Variants in ARID1B observed in about 807,000 individuals in gnomAD.
ARID1B encodes the protein AT-rich interactive domain-containing protein 1B.
A neutral mutation model predicts 212.3 loss-of-function variants in ARID1B; 30 were observed. The observed-to-expected ratio is 0.14, with a 90% CI of 0.11 to 0.19. ARID1B has a LOEUF of 0.19. Among genes scored for constraint, ARID1B ranks in the 10% least tolerant of loss-of-function variants. The pLI, the probability that ARID1B is intolerant of heterozygous loss-of-function variation, is 1.00. For missense variants in ARID1B, 2,891 were observed against 3,204.0 expected (o/e 0.90, Z 2.36); for synonymous variants, 1,402 against 1,301.7 (o/e 1.08, Z -1.66).
chr6:157,038,805 T>C (rs1781501055), intron 4 of ARID1B, among the ~76,000 whole-genome samples: 1 of 152,176 alleles, frequency 6.6e-6, no homozygotes, highest in Non-Finnish European at 1.5e-5. Context: ...GCAGCAACGT[T>C]ATAGAAGATT....
chr6:156,810,317 A>T (rs1224541439), intron 1 of ARID1B, among the ~76,000 whole-genome samples: 1 of 152,166 alleles, frequency 6.6e-6, no homozygotes, highest in Admixed American at 6.5e-5. Flanking sequence ...TTCTGGTTAT[A>T]AAAGTGTAAA....
chr6:156,938,136 G>A (rs988659284), intron 4 of ARID1B: 3 of 150,190 alleles, frequency 2.0e-5, no homozygotes, highest in African/African-American at 7.4e-5. Flanking sequence ...TTTTTTCCAC[G>A]AGGGCTTTGC....
chr6:157,110,054 T>C (rs1197371034), intron 5 of ARID1B, among the ~76,000 whole-genome samples: 1 of 152,218 alleles, frequency 6.6e-6, no homozygotes, highest in Admixed American at 6.5e-5. Context: ...TCTATTGATA[T>C]TACTGTACTG....
chr6:157,108,100 A>T (rs945155750), intron 5 of ARID1B: 2 of 152,214 alleles, frequency 1.3e-5, no homozygotes, highest in African/African-American at 4.8e-5. Flanking sequence ...ACTATGGTAG[A>T]AAGATAGGGA....
chr6:157,196,050 CTCCATCTCAAAAAAAAGAAAAAG>C, intron 15 of ARID1B, 92 bp from the exon 16 acceptor site: 1 of 1,320,144 alleles, frequency 7.6e-7, no homozygotes, highest in South Asian at 1.3e-5. Context: ...CAGAGTGAGA[CTCCATCTCAAAAAAAAGAAAAAG>C]TCCAAAGACA....
chr6:156,799,053 C>T (rs146689642), intron 1 of ARID1B, among the ~76,000 whole-genome samples: 4 of 152,156 alleles, frequency 2.6e-5, no homozygotes, highest in Admixed American at 6.5e-5. Flanking sequence ...AATTTCAACT[C>T]GTGTACATGT....
At chr6:156,940,202 A>G (rs1394843942) in intron 4 of ARID1B, 1 of 152,214 alleles carries the variant, frequency 6.6e-6, no homozygotes, top group Non-Finnish European at 1.5e-5. Context: ...GCGTTTGAAA[A>G]TGGACTGCTT....
At position 157,140,616 on chromosome 6, in the gene ARID1B, A is replaced by G. The variant is rs368761611; in HGVS notation, c.2761+7409A>G. ...TTTTATTGTACCCTTTTTATAGAGG[A>G]AGAAACTGAGCTTTGGAGTAACACG... On this transcript the variant is annotated intron_variant, in intron 7 of 19. Transcript: ENST00000636930. 90 of 398,606 alleles carry G rather than the reference A, an allele frequency of 2.3e-4. 4 individuals carry two copies. The highest frequency in any genetic ancestry group is 1.7e-3 in the African/African-American group (81 of 48,738). 24.7% of individuals were successfully genotyped at this position (398,606 alleles called of 1,614,324 possible). A position where few individuals can be genotyped will look rare whatever the true frequency, so the allele number is the denominator to read the frequency against.
chr6:156,886,231 C>T (rs781295413), intron 2 of ARID1B, among the ~76,000 whole-genome samples: 7 of 152,222 alleles, frequency 4.6e-5, no homozygotes, highest in African/African-American at 1.4e-4. Context: ...TTGTTCTTGT[C>T]GCCCAGGCTG....
intron 4 of ARID1B, among the ~76,000 whole-genome samples, chr6:156,989,666 C>T (rs190252669): frequency 2.0e-5 from 3 of 152,212 alleles, no homozygotes; most frequent in Admixed American, 1.3e-4. Flanking sequence ...TAATCTACCC[C>T]ACAGGCTAGT....
rs1779118895 is a variant in ARID1B, at chr6:157,004,890, C to CTTTTTTGTTTTTTT, written c.2247+69320_2247+69321insGTTTTTTTTTTTTT. On this transcript the variant is annotated intron_variant, in intron 4 of 19. Transcript: ENST00000636930. ...GCATTTCTTTTTTCTTTTTCTTCTT[C>CTTTTTTGTTTTTTT]TTTTTTCTTTTTTTTTTTTTTTTTT... Among the ~76,000 whole-genome samples, 12 of 35,686 alleles carry CTTTTTTGTTTTTTT rather than the reference C, an allele frequency of 3.4e-4. 2 individuals are homozygous for CTTTTTTGTTTTTTT. Among genetic ancestry groups the CTTTTTTGTTTTTTT allele is most frequent in the Non-Finnish European group, 7.2e-4 (10 of 13,822 alleles). 23.4% of individuals were successfully genotyped at this position (35,686 alleles called of 152,430 possible). A position where few individuals can be genotyped will look rare whatever the true frequency, so the allele number is the denominator to read the frequency against.
chr6:157,004,897 C>CTTTTTTGTTG (rs1562542228), intron 4 of ARID1B, among the ~76,000 whole-genome samples: 1 of 54,740 alleles, frequency 1.8e-5, no homozygotes, highest in Non-Finnish European at 3.7e-5. Flanking sequence ...CTTCTTTTTT[C>CTTTTTTGTTG]TTTTTTTTTT....
At position 156,777,852 on chromosome 6, in the gene ARID1B, C is replaced by T. The variant is rs1778735019; in HGVS notation, c.172C>T (p.Leu58=). The change falls in exon 1 of 20, where the codon CTG becomes TTG. Residue 58 remains leucine, a synonymous_variant. Coordinates refer to ENST00000636930, the MANE Select transcript of ARID1B (RefSeq NM_001374828.1). ...GGCGGCGGCGGCACCGGGACCCATG[C>T]TGGGGGGCGGCGGCGACGGCGGCGG... ...AAAAAAPGPM[L]GGGGDGGGGL... is the part of the protein sequence containing the mutation. 14 of 1,326,982 alleles carry T rather than the reference C, an allele frequency of 1.1e-5. No homozygotes were observed. The highest frequency in any genetic ancestry group is 1.3e-5 in the Non-Finnish European group (14 of 1,043,634). 82.2% of individuals were successfully genotyped at this position (1,326,982 alleles called of 1,614,324 possible).
rs539872575 is a variant in ARID1B at position 156,817,673 on chromosome 6, A to G, written c.1792-11554A>G. The stretch of plus-strand genomic sequence containing the variant: ...ACACACAAAACTTTTATTTTGAAAT[A>G]ATTTTAAATTTACAGCAAAGTTGCA... On this transcript the variant is annotated intron_variant, in intron 1 of 19. Coordinates refer to ENST00000636930, the MANE Select transcript of ARID1B (RefSeq NM_001374828.1). Among the ~76,000 whole-genome samples the G allele has an allele frequency of 7.2e-5, 11 of 152,052 alleles. No homozygotes were observed. The South Asian group carries it at 1.9e-3, about 26-fold the overall frequency.
intron 3 of ARID1B, among the ~76,000 whole-genome samples, chr6:156,922,685 C>T (rs1339444823): frequency 6.6e-6 from 1 of 152,046 alleles, no homozygotes; most frequent in African/African-American, 2.4e-5. Flanking sequence ...TTGGTAAATC[C>T]CATTGTTGAT....
At chr6:157,132,827 T>C (rs1295902367) in intron 6 of ARID1B, among the ~76,000 whole-genome samples, 1 of 152,204 alleles carries the variant, frequency 6.6e-6, no homozygotes, top group Non-Finnish European at 1.5e-5. Context: ...TCTTGGGAAT[T>C]CAGGGTTAGG....
intron 13 of ARID1B, chr6:157,186,641 T>C: frequency 2.5e-6 from 1 of 406,104 alleles, no homozygotes; most frequent in South Asian, 1.8e-5. Context: ...TAGAGTCTCA[T>C]TTATTACAAG....
chr6:156,846,995 C>G (rs927461591), intron 2 of ARID1B, among the ~76,000 whole-genome samples: 1 of 152,250 alleles, frequency 6.6e-6, no homozygotes, highest in East Asian at 1.9e-4. Context: ...TTTGACCTTT[C>G]TTATCTGTTA....
chr6:156,974,193 G>A (rs540917864), intron 4 of ARID1B, among the ~76,000 whole-genome samples: 64 of 152,274 alleles, frequency 4.2e-4, no homozygotes, highest in African/African-American at 1.5e-3. Flanking sequence ...GAATAAAGAT[G>A]TGCAATTTAA....
Sources: allele counts gnomAD v4.1 joint callset (sites outside exome capture counted in the v4.1 genomes callset), GRCh38; gene constraint gnomAD v4.1.1; transcripts MANE v1.5; gene names NCBI Gene and HGNC (gene_info 2026-07-23, HGNC 2026-07-21).